The following TNRC6A variants were observed in gnomAD, a reference collection of about 807,000 sequenced individuals.
The protein encoded by TNRC6A is trinucleotide repeat-containing gene 6A protein.
In TNRC6A, 44 loss-of-function variants were observed where a neutral mutation model predicts 221.2. That is an observed-to-expected ratio of 0.20 (90% CI 0.16 to 0.26). TNRC6A has a LOEUF of 0.26. TNRC6A is among the 10% of genes least tolerant of loss of function. The pLI is 1.00. For missense variants in TNRC6A, 2,199 were observed against 2,404.4 expected (o/e 0.91, Z 1.79); for synonymous variants, 847 against 838.5 (o/e 1.01, Z -0.18).
intron 1 of TNRC6A, among the ~76,000 whole-genome samples, chr16:24,635,150 C>CTT (rs1341610500): frequency 1.2e-3 from 145 of 120,336 alleles, no homozygotes; most frequent in African/African-American, 4.5e-3. Context: ...CTTTTCTTTC[C>CTT]TTCTTTCCTT....
intron 5 of TNRC6A, among the ~76,000 whole-genome samples, chr16:24,778,789 A>G (rs1365235486): frequency 6.6e-6 from 1 of 152,196 alleles, no homozygotes; most frequent in African/African-American, 2.4e-5. Flanking sequence ...ACTAGATCTA[A>G]TGCCAAGTAG....
At chr16:24,703,963 A>C (rs2142239298) in intron 2 of TNRC6A, among the ~76,000 whole-genome samples, 1 of 151,732 alleles carries the variant, frequency 6.6e-6, no homozygotes, top group Admixed American at 6.6e-5. Flanking sequence ...GCGTACTTGT[A>C]GTCCCAGCTA....
intron 2 of TNRC6A, among the ~76,000 whole-genome samples, chr16:24,685,544 G>T (rs2142085146): frequency 6.6e-6 from 1 of 152,222 alleles, no homozygotes; most frequent in South Asian, 2.1e-4. Context: ...TCACTTTATT[G>T]CCCAAGCTGG....
intron 18 of TNRC6A, among the ~76,000 whole-genome samples, chr16:24,812,890 T>G (rs1275621351): frequency 6.8e-6 from 1 of 146,172 alleles, no homozygotes; most frequent in Non-Finnish European, 1.5e-5. Flanking sequence ...TTTTTTTTTT[T>G]TTTTTTTTTT....
At chr16:24,694,529 C>T (rs2055819060) in intron 2 of TNRC6A, among the ~76,000 whole-genome samples, 1 of 151,870 alleles carries the variant, frequency 6.6e-6, no homozygotes, top group Non-Finnish European at 1.5e-5. Flanking sequence ...GCAGCTTGTG[C>T]CTGTAGTCCC....
upstream of TNRC6A, among the ~76,000 whole-genome samples, chr16:24,727,201 T>A (rs912887463): frequency 1.2e-4 from 18 of 152,086 alleles, no homozygotes; most frequent in African/African-American, 3.9e-4. Flanking sequence ...GGCTAATTTT[T>A]TATTTTTACT....
At chr16:24,761,702 CT>C (rs1289931626) in intron 4 of TNRC6A, among the ~76,000 whole-genome samples, 1 of 150,820 alleles carries the variant, frequency 6.6e-6, no homozygotes, top group Non-Finnish European at 1.5e-5. Context: ...ATTTTTTTTT[CT>C]TTTTCTTTTT....
chr16:24,749,168 C>G (rs1159489492), intron 2 of TNRC6A, among the ~76,000 whole-genome samples: 2 of 152,144 alleles, frequency 1.3e-5, no homozygotes, highest in Non-Finnish European at 2.9e-5. Context: ...GGTTTAGGGT[C>G]TAGACTTTAG....
intron 2 of TNRC6A, among the ~76,000 whole-genome samples, chr16:24,696,728 CAAAA>C (rs1251210834): frequency 2.2e-5 from 1 of 45,144 alleles, no homozygotes. Context: ...GACCCTGTCT[CAAAA>C]AAAAAAAAAA....
chr16:24,632,893 C>T (rs1901421041), intron 1 of TNRC6A, among the ~76,000 whole-genome samples: 1 of 151,642 alleles, frequency 6.6e-6, no homozygotes, highest in Non-Finnish European at 1.5e-5. Flanking sequence ...CATGTAATCC[C>T]AGCTACTTAG....
intron 2 of TNRC6A, among the ~76,000 whole-genome samples, chr16:24,677,219 G>A (rs1383817354): frequency 1.3e-5 from 2 of 148,630 alleles, no homozygotes; most frequent in African/African-American, 5.0e-5. Flanking sequence ...CTGGAATGCA[G>A]TGGTGCAATC....
rs199713238 is a variant in TNRC6A, at chr16:24,790,802, C to T, written c.2160C>T (p.Asn720=). The part of the protein sequence containing the change: ...RTDLDPRVLS[N]SGWGQTPIKQ... ...ACTTAGATCCACGTGTCCTGTCCAA[C>T]TCTGGTTGGGGACAGACTCCTATTA... is the stretch of plus-strand genomic sequence containing the variant. Residue 720 remains asparagine, a synonymous_variant, in exon 6 of 25, where the codon AAC becomes AAT. Transcript: ENST00000395799. The T allele has an allele frequency of 5.6e-6, 9 of 1,614,134 alleles. No individual in the cohort carries two copies. Among genetic ancestry groups the T allele is most frequent in the Non-Finnish European group, 7.6e-6 (9 of 1,180,036 alleles).
intron 2 of TNRC6A, among the ~76,000 whole-genome samples, chr16:24,648,972 C>T (rs191372134): frequency 3.7e-4 from 57 of 152,118 alleles, no homozygotes; most frequent in African/African-American, 1.2e-3. Context: ...GTTTCTTAAG[C>T]GTTTCCCTTT....
At chr16:24,628,838 T>C (rs1325832273) in intron 1 of TNRC6A, among the ~76,000 whole-genome samples, 1 of 152,106 alleles carries the variant, frequency 6.6e-6, no homozygotes, top group Non-Finnish European at 1.5e-5. Context: ...CACTGTATTT[T>C]TTTTTTCTGT....
chr16:24,823,117 G>A lies in TNRC6A; in HGVS notation c.5513+104G>A. ...ACAGGGTCCTGCGTGGGTGGCTCCT[G>A]CTGGCTGCAGTAGTGCCCTGATTCC... On this transcript the variant is annotated intron_variant, in intron 24 of 24. Transcript: ENST00000395799. The surrounding 1 kb of genome is among the most constrained non-coding windows in gnomAD (Gnocchi z 4.3). 1 of 1,467,660 alleles carries A rather than the reference G, an allele frequency of 6.8e-7. No homozygotes were observed. The highest frequency in any genetic ancestry group is 9.4e-7 in the Non-Finnish European group (1 of 1,065,014). 90.9% of individuals were successfully genotyped at this position (1,467,660 alleles called of 1,614,324 possible).
chr16:24,632,878 G>A (rs944087007), intron 1 of TNRC6A, among the ~76,000 whole-genome samples: 21 of 151,946 alleles, frequency 1.4e-4, no homozygotes, highest in East Asian at 9.7e-4. Context: ...GTGCGGTGGT[G>A]CATGCATGTA....
chr16:24,696,691 T>C (rs575948394), intron 2 of TNRC6A, among the ~76,000 whole-genome samples: 9 of 133,048 alleles, frequency 6.8e-5, no homozygotes, highest in Non-Finnish European at 1.1e-4. Context: ...ATTGCACCAC[T>C]GCAGTACAGC....
chr16:24,750,807 A>G lies in TNRC6A; in HGVS notation c.135A>G (p.Gln45=). 1 of 1,554,316 alleles carries G rather than the reference A, an allele frequency of 6.4e-7. No homozygotes were observed. The highest frequency in any genetic ancestry group is 1.4e-5 in the African/African-American group (1 of 72,172). ...KDDKKKKEAA[Q]KKATEQKIKV... ...ACAAGAAAAAGAAGGAAGCTGCTCA[A>G]AAGAAGGTAGTATGTGTGTAAACTA... Residue 45 remains glutamine, a synonymous_variant, in exon 3 of 25, where the codon CAA becomes CAG. Transcript: ENST00000395799.
intron 14 of TNRC6A, 113 bp downstream of exon 14, chr16:24,805,264 G>A (rs2058407240): frequency 5.0e-6 from 7 of 1,409,860 alleles, no homozygotes; most frequent in Non-Finnish European, 6.8e-6. Context: ...GCATCTTTGA[G>A]ATTCAGCTAG....
Sources: allele counts gnomAD v4.1 joint callset (sites outside exome capture counted in the v4.1 genomes callset), GRCh38; gene constraint gnomAD v4.1.1; non-coding constraint Gnocchi (gnomAD v3.1); transcripts MANE v1.5; gene names NCBI Gene and HGNC (gene_info 2026-07-23, HGNC 2026-07-21).